OTULINL: variants seen among roughly 807,000 people sequenced by gnomAD.
OTULINL encodes inactive ubiquitin thioesterase OTULINL.
In OTULINL, 42 loss-of-function variants were observed where a neutral mutation model predicts 43.9. The observed-to-expected ratio is 0.96, with a 90% CI of 0.75 to 1.24. OTULINL has a LOEUF of 1.24. Ranked by LOEUF, OTULINL falls within the 50% of genes most tolerant of loss-of-function variation. The probability of loss-of-function intolerance (pLI) is 0.00; values close to 1 mark genes in which losing one functional copy is unlikely to be tolerated. For missense variants in OTULINL, 411 were observed against 426.4 expected, an observed-to-expected ratio of 0.96 and a Z score of 0.32; for synonymous variants, 172 against 153.6, an observed-to-expected ratio of 1.12 and a Z score of -0.88.
chr5:14,588,806 C>T (rs1445349091), intron 1 of OTULINL, among the ~76,000 whole-genome samples: 1 of 152,122 alleles, frequency 6.6e-6, no homozygotes, highest in African/African-American at 2.4e-5. Flanking sequence ...GGAAAAAGGG[C>T]AAGGAACACA....
At chr5:14,588,861 C>T (rs550977189) in intron 1 of OTULINL, among the ~76,000 whole-genome samples, 3 of 152,218 alleles carry the variant, frequency 2.0e-5, no homozygotes, top group South Asian at 2.1e-4. Flanking sequence ...TCAACAACTT[C>T]TTGGCCAGAA....
intron 1 of OTULINL, among the ~76,000 whole-genome samples, chr5:14,588,669 G>T (rs747942976): frequency 6.6e-6 from 1 of 152,176 alleles, no homozygotes; most frequent in African/African-American, 2.4e-5. Flanking sequence ...TCTCCATGGT[G>T]TCAGGGCCCC....
chr5:14,609,634 T>G, intron 7 of OTULINL, among the ~76,000 whole-genome samples: 1 of 146,906 alleles, frequency 6.8e-6, no homozygotes, highest in Non-Finnish European at 1.5e-5. Context: ...TTTTTTTTTT[T>G]TTTTTTTTTT....
chr5:14,581,995 C>T, intron 1 of OTULINL, 37 bp downstream of exon 1: 1 of 1,228,772 alleles, frequency 8.1e-7, no homozygotes, highest in Non-Finnish European at 1.0e-6. Context: ...GCGGGGGGCG[C>T]GAGCAGGGAC....
In OTULINL at chr5:14,586,090, T is replaced by A. The variant is rs561092884; in HGVS notation, c.64+4132T>A. On this transcript the variant is annotated intron_variant, in intron 1 of 7. Coordinates refer to ENST00000274217, the MANE Select transcript of OTULINL (RefSeq NM_019018.3). ...AGTCTCTACTTAATTTTTAGAGGAA[T>A]TATTGGATTAATATGTTTGGTTAGT... Among the ~76,000 whole-genome samples the A allele has an allele frequency of 2.0e-5, 3 of 152,362 alleles. No individual in the cohort carries two copies. In the South Asian group the frequency reaches 6.2e-4, roughly 32 times the overall value.
In OTULINL at chr5:14,615,185, C is replaced by T. The variant is rs1043674684; in HGVS notation, c.*4871C>T. On this transcript the variant is annotated 3_prime_UTR_variant, in exon 8 of 8. Coordinates refer to ENST00000274217, the MANE Select transcript of OTULINL (RefSeq NM_019018.3). Reference sequence around the variant, plus strand: ...CTTTAAGGATGGTTTGTGACTTTACCCCATTGTGCCTTATCATTTGTCAGC... The same window carrying T: ...CTTTAAGGATGGTTTGTGACTTTACTCCATTGTGCCTTATCATTTGTCAGC... Among the ~76,000 whole-genome samples, 3 of 152,108 alleles carry T rather than the reference C, an allele frequency of 2.0e-5. No individual in the cohort carries two copies. The East Asian group carries it at 5.8e-4, about 29-fold the overall frequency.
chr5:14,581,949 C>CCCG lies in OTULINL; in HGVS notation c.60_62dup (p.Ala21dup). The CCCG allele has an allele frequency of 7.3e-7, 1 of 1,362,318 alleles. No individual in the cohort carries two copies. The highest frequency in any genetic ancestry group is 9.5e-7 in the Non-Finnish European group (1 of 1,057,902). 84.4% of individuals were successfully genotyped at this position (1,362,318 alleles called of 1,614,324 possible). A position where few individuals can be genotyped will look rare whatever the true frequency, so the allele number is the denominator to read the frequency against. ...AAGGGAGCGGGAGCGGTCTGGCGCT[C>CCCG]CCGCCGCAGGTGAGCCTGGGGCCGG... On this transcript the variant is annotated inframe_insertion, in exon 1 of 8. Transcript: ENST00000274217.
At chr5:14,607,171 A>G (rs31971) in intron 5 of OTULINL, among the ~76,000 whole-genome samples, 159 bp from the exon 6 acceptor site, 142,285 of 152,158 alleles carry the variant, frequency 0.94, 66,667 homozygotes, top group African/African-American at 0.98. Context: ...TGGAGGTTGC[A>G]GTAAGCCGAG....
At chr5:14,588,088 T>C (rs999708306) in intron 1 of OTULINL, among the ~76,000 whole-genome samples, 3 of 152,312 alleles carry the variant, frequency 2.0e-5, no homozygotes, top group Admixed American at 2.0e-4. Flanking sequence ...CTGGCATTTG[T>C]CAAGATCTTA....
chr5:14,604,425 C>CA (rs895655126), intron 5 of OTULINL, among the ~76,000 whole-genome samples: 1 of 152,174 alleles, frequency 6.6e-6, no homozygotes, highest in Non-Finnish European at 1.5e-5. Flanking sequence ...TCCCAAATCT[C>CA]ACATCTTCAC....
Position 14,602,252 on chromosome 5 carries a change from G to T in OTULINL, c.418G>T (p.Ala140Ser). 2.5e-6 allele frequency: 4 copies of T among 1,612,810 alleles called. No homozygotes were observed. The highest frequency in any genetic ancestry group is 2.5e-6 in the Non-Finnish European group (3 of 1,178,916). ...VRQVRRDNYDALRSVLFQIFS... is the reference protein window; with the variant it reads ...VRQVRRDNYDSLRSVLFQIFS... ...ACAAGTAAGGAGAGATAACTATGAT[G>T]CTCTCAGATCAGTGTTATTTCAGAT... Residue 140 changes from alanine to serine, a missense_variant, in exon 5 of 8, where the codon GCT (alanine) becomes TCT (serine). Physicochemically the swap from Ala to Ser is moderately conservative, Grantham distance 99 (BLOSUM62 1). Coordinates refer to ENST00000274217, the MANE Select transcript of OTULINL (RefSeq NM_019018.3).
chr5:14,614,263 T>A lies in OTULINL; in HGVS notation c.*3949T>A, dbSNP rs777144021. Among the ~76,000 whole-genome samples the A allele has an allele frequency of 1.1e-4, 16 of 152,250 alleles. No homozygotes were observed. Among genetic ancestry groups the A allele is most frequent in the Non-Finnish European group, 1.5e-5 (1 of 68,044 alleles). On this transcript the variant is annotated 3_prime_UTR_variant, in exon 8 of 8. Coordinates refer to ENST00000274217, the MANE Select transcript of OTULINL (RefSeq NM_019018.3). ...CTTTAACTGTCTATAGGGTTGCTTGTCATAGTTGAACATTATTTAATTAAC... is the reference window on the plus strand; with the variant it reads ...CTTTAACTGTCTATAGGGTTGCTTGACATAGTTGAACATTATTTAATTAAC...
At chr5:14,586,378 C>T (rs1759101496) in intron 1 of OTULINL, among the ~76,000 whole-genome samples, 1 of 152,086 alleles carries the variant, frequency 6.6e-6, no homozygotes, top group African/African-American at 2.4e-5. Flanking sequence ...GACAGGTGGC[C>T]TCATGTTTAA....
At chr5:14,598,376 C>T (rs561515062) in intron 1 of OTULINL, among the ~76,000 whole-genome samples, 1 of 152,296 alleles carries the variant, frequency 6.6e-6, no homozygotes, top group East Asian at 1.9e-4. Flanking sequence ...AGAAATCACA[C>T]CAGTACTGGG....
intron 1 of OTULINL, among the ~76,000 whole-genome samples, chr5:14,591,128 C>T (rs1759194187): frequency 6.6e-6 from 1 of 152,178 alleles, no homozygotes; most frequent in Admixed American, 6.5e-5. Context: ...TGAACCAGAC[C>T]ACGTGCCACC....
Position 14,600,975 on chromosome 5 carries a change from A to T in OTULINL, c.75A>T (p.Gln25His). 7.1e-7 allele frequency: 1 copy of T among 1,412,310 alleles called. No homozygotes were observed. The highest frequency in any genetic ancestry group is 2.8e-5 in the Admixed American group (1 of 36,172). The allele number at this position is 1,412,310 out of a possible 1,614,324, so 87.5% of individuals were successfully genotyped here. A position where few individuals can be genotyped will look rare whatever the true frequency, so the allele number is the denominator to read the frequency against. ...RSGAPAAGSD[Q>H]VHSWMLATSQ... ...TTGTAATTTTCATAGGAAGTGACCA[A>T]GTTCACTCCTGGATGCTAGCTACAA... The change falls in exon 2 of 8, where the codon CAA (glutamine) becomes CAT (histidine). Residue 25 changes from glutamine to histidine, a missense_variant. Physicochemically the swap from Gln to His is conservative, Grantham distance 24 (BLOSUM62 0). Transcript: ENST00000274217.
chr5:14,599,564 A>G (rs1759348169), intron 1 of OTULINL, among the ~76,000 whole-genome samples: 1 of 152,186 alleles, frequency 6.6e-6, no homozygotes, highest in Admixed American at 6.5e-5. Flanking sequence ...TAAATATCAC[A>G]TCAAATATCC....
intron 1 of OTULINL, among the ~76,000 whole-genome samples, chr5:14,595,679 A>G (rs1223485687): frequency 9.5e-5 from 9 of 94,594 alleles, no homozygotes; most frequent in African/African-American, 3.7e-4. Context: ...TGTAGTTCTG[A>G]CCAACAGTCT....
intron 1 of OTULINL, among the ~76,000 whole-genome samples, chr5:14,598,587 T>A (rs1279662662): frequency 6.6e-6 from 1 of 152,164 alleles, no homozygotes; most frequent in African/African-American, 2.4e-5. Flanking sequence ...GATCCAAGTG[T>A]TTATCAATAA....
Sources: allele counts gnomAD v4.1 joint callset (sites outside exome capture counted in the v4.1 genomes callset), GRCh38; gene constraint gnomAD v4.1.1; transcripts MANE v1.5; gene names NCBI Gene and HGNC (gene_info 2026-07-23, HGNC 2026-07-21).